The following TSPAN7 variants were observed in gnomAD, a reference collection of about 807,000 sequenced individuals.
TSPAN7 encodes tetraspanin 7.
Under a neutral mutation model 17.6 loss-of-function variants are expected in TSPAN7, and 1 was observed. The ratio of observed to expected loss-of-function variants is 0.06; its 90% CI spans 0.02 to 0.27. The LOEUF is 0.27. Among genes scored for constraint, TSPAN7 ranks in the 10% least tolerant of loss-of-function variants. The pLI is 1.00. For missense variants in TSPAN7, 112 were observed against 201.7 expected (o/e 0.56, Z 2.69); for synonymous variants, 78 against 79.0 (o/e 0.99, Z 0.07).
intron 4 of TSPAN7, among the ~76,000 whole-genome samples, chrX:38,674,895 T>C (rs1024640379): frequency 4.5e-5 from 5 of 111,470 alleles, no homozygotes; most frequent in Admixed American, 9.5e-5. Context: ...CTAAGGGGGA[T>C]TTTGCTTTGG....
intron 1 of TSPAN7, among the ~76,000 whole-genome samples, chrX:38,577,107 C>A (rs1376392313): frequency 9.0e-6 from 1 of 111,458 alleles, no homozygotes; most frequent in Non-Finnish European, 1.9e-5. Context: ...GAGAGAGAAC[C>A]CCAGTATTCT....
chrX:38,686,995 C>G (rs2069930797), intron 6 of TSPAN7, among the ~76,000 whole-genome samples: 1 of 111,171 alleles, frequency 9.0e-6, no homozygotes, highest in South Asian at 3.8e-4. Flanking sequence ...AATATAAAGC[C>G]CCACTTTCCC....
At chrX:38,601,586 A>C (rs1261850315) in intron 1 of TSPAN7, among the ~76,000 whole-genome samples, 1 of 111,966 alleles carries the variant, frequency 8.9e-6, no homozygotes, top group East Asian at 2.8e-4. Flanking sequence ...CCCAGCATAA[A>C]AATGTTTTAT....
chrX:38,641,247 A>ACC (rs2069609977), intron 1 of TSPAN7, among the ~76,000 whole-genome samples: 1 of 112,338 alleles, frequency 8.9e-6, no homozygotes, highest in African/African-American at 3.2e-5. Context: ...AGAGGCTTTG[A>ACC]ACTTTCACAA....
At chrX:38,598,094 C>T (rs2069327754) in intron 1 of TSPAN7, among the ~76,000 whole-genome samples, 1 of 111,330 alleles carries the variant, frequency 9.0e-6, no homozygotes, top group Admixed American at 9.5e-5. Context: ...AACTTTGCTG[C>T]ATAAATATCA....
In TSPAN7 at chrX:38,687,579, G is replaced by A. The variant is rs755642588; in HGVS notation, c.682-20G>A. 50 of 1,206,413 alleles carry A rather than the reference G, an allele frequency of 4.1e-5. No homozygotes were observed. The highest frequency in any genetic ancestry group is 1.1e-4 in the South Asian group (6 of 56,159). On this transcript the variant is annotated intron_variant, in intron 6 of 7. Transcript: ENST00000378482. ...TCGGTGACTTGAGATTCTCATTTTCGTTTTTCTCCCTGGCAACAGTTAATT... is the reference window on the plus strand; with the variant it reads ...TCGGTGACTTGAGATTCTCATTTTCATTTTTCTCCCTGGCAACAGTTAATT...
At chrX:38,652,042 T>C (rs2069678499) in intron 1 of TSPAN7, among the ~76,000 whole-genome samples, 1 of 111,992 alleles carries the variant, frequency 8.9e-6, no homozygotes, top group East Asian at 2.8e-4. Flanking sequence ...ATATCCTCTT[T>C]TAAAGAACAC....
chrX:38,680,460 G>T (rs953865599), intron 5 of TSPAN7, among the ~76,000 whole-genome samples: 2 of 109,803 alleles, frequency 1.8e-5, no homozygotes, highest in Admixed American at 9.7e-5. Flanking sequence ...ACTGGAAAAA[G>T]ACCATGTCTT....
At chrX:38,588,606 T>C (rs1303722705) in intron 1 of TSPAN7, among the ~76,000 whole-genome samples, 1 of 112,112 alleles carries the variant, frequency 8.9e-6, no homozygotes, top group Non-Finnish European at 1.9e-5. Context: ...TTGGGATGAA[T>C]TGTGTCGCTC....
At chrX:38,594,004 T>C (rs1196991153) in intron 1 of TSPAN7, among the ~76,000 whole-genome samples, 1 of 112,074 alleles carries the variant, frequency 8.9e-6, no homozygotes, top group African/African-American at 3.2e-5. Context: ...CATGGTTCAT[T>C]ATAGCCTTCT....
At chrX:38,611,166 A>G (rs2069416002) in intron 1 of TSPAN7, among the ~76,000 whole-genome samples, 1 of 112,354 alleles carries the variant, frequency 8.9e-6, no homozygotes. Context: ...GAGAATTTGG[A>G]AAGAGTTTTT....
At chrX:38,651,942 C>G (rs2069678188) in intron 1 of TSPAN7, among the ~76,000 whole-genome samples, 1 of 111,697 alleles carries the variant, frequency 9.0e-6, no homozygotes, top group Non-Finnish European at 1.9e-5. Flanking sequence ...TAAAGTCATC[C>G]AGGATTTCTG....
intron 1 of TSPAN7, among the ~76,000 whole-genome samples, chrX:38,647,020 G>GTA (rs763776987): frequency 8.9e-6 from 1 of 111,780 alleles, no homozygotes; most frequent in Admixed American, 9.5e-5. Flanking sequence ...AGAATGAGGG[G>GTA]TACACTAGGG....
intron 2 of TSPAN7, among the ~76,000 whole-genome samples, chrX:38,670,398 G>T (rs1025174594): frequency 1.1e-4 from 12 of 112,210 alleles, no homozygotes; most frequent in African/African-American, 3.9e-4. Context: ...AGGCGTGCTT[G>T]CATGTGCATG....
At chrX:38,617,379 A>G (rs1410182282) in intron 1 of TSPAN7, among the ~76,000 whole-genome samples, 1 of 112,970 alleles carries the variant, frequency 8.9e-6, no homozygotes, top group East Asian at 2.8e-4. Flanking sequence ...ATATTGAGTA[A>G]AGGAATAGAA....
intron 1 of TSPAN7, among the ~76,000 whole-genome samples, chrX:38,600,297 T>C (rs1402462064): frequency 5.4e-5 from 6 of 111,632 alleles, no homozygotes. Flanking sequence ...AGAGGATAGA[T>C]ATTTGGGTGA....
intron 1 of TSPAN7, chrX:38,608,195 C>T (rs1050520307): frequency 6.5e-5 from 7 of 108,155 alleles, no homozygotes; most frequent in Non-Finnish European, 1.3e-4. Flanking sequence ...CTTGAGATGC[C>T]GTTTAAAGAT....
At chrX:38,621,856 T>C (rs17313091) in intron 1 of TSPAN7, among the ~76,000 whole-genome samples, 4,238 of 112,449 alleles carry the variant, frequency 0.038, 90 homozygotes, top group Non-Finnish European at 0.059. Flanking sequence ...CCTGTCCCAC[T>C]TAGTTTTGCT....
intron 1 of TSPAN7, among the ~76,000 whole-genome samples, chrX:38,627,378 T>G (rs933653352): frequency 2.7e-5 from 3 of 112,117 alleles, no homozygotes; most frequent in African/African-American, 9.7e-5. Flanking sequence ...CAGAGGAAAC[T>G]GATCCACTTA....
Sources: gnomAD v4.1 joint callset for allele counts (sites outside exome capture counted in the v4.1 genomes callset) on GRCh38, gnomAD v4.1.1 for gene constraint, MANE v1.5 for transcripts, NCBI Gene and HGNC (gene_info 2026-07-23, HGNC 2026-07-21) for gene names.